The following KCNH7 variants were observed in gnomAD, a reference collection of about 807,000 sequenced individuals.
The protein encoded by KCNH7 is potassium voltage-gated channel subfamily H member 7.
Under a neutral mutation model 120.8 loss-of-function variants are expected in KCNH7, and 49 were observed. The ratio of observed to expected loss-of-function variants is 0.41; its 90% CI spans 0.32 to 0.51. KCNH7 has a LOEUF of 0.51. Ranked by LOEUF, KCNH7 falls within the 20% of genes least tolerant of loss-of-function variation. The probability of loss-of-function intolerance (pLI) is 0.38; values close to 1 mark genes in which losing one functional copy is unlikely to be tolerated. For missense variants in KCNH7, 1,097 were observed against 1,446.6 expected (o/e 0.76, Z 3.92); for synonymous variants, 547 against 516.1 (o/e 1.06, Z -0.81).
chr2:162,537,134 T>C (rs1483776939), intron 2 of KCNH7, 54 bp from the exon 3 acceptor site: 1 of 1,359,884 alleles, frequency 7.4e-7, no homozygotes, highest in Non-Finnish European at 1.0e-6. Context: ...TTCTGAACTA[T>C]CAAGTAACAT....
intron 10 of KCNH7, among the ~76,000 whole-genome samples, chr2:162,397,523 C>T (rs891668983): frequency 1.3e-5 from 2 of 151,776 alleles, no homozygotes; most frequent in Non-Finnish European, 2.9e-5. Context: ...TGTAGTCCTG[C>T]TTTTTGTTAT....
intron 14 of KCNH7, among the ~76,000 whole-genome samples, chr2:162,378,198 C>T (rs1212674769): frequency 1.3e-5 from 2 of 152,140 alleles, no homozygotes; most frequent in South Asian, 4.1e-4. Flanking sequence ...ATATGTAGTT[C>T]CCATTTACAT....
chr2:162,563,415 C>T (rs1347797899), intron 2 of KCNH7, among the ~76,000 whole-genome samples: 2 of 152,046 alleles, frequency 1.3e-5, no homozygotes, highest in African/African-American at 2.4e-5. Context: ...AATTTACATA[C>T]ACATACACAC....
intron 2 of KCNH7, among the ~76,000 whole-genome samples, chr2:162,552,175 C>T (rs1337847257): frequency 6.6e-6 from 1 of 152,150 alleles, no homozygotes; most frequent in Admixed American, 6.5e-5. Context: ...TGGAAACAGA[C>T]TAAGAAGTCT....
intron 12 of KCNH7, among the ~76,000 whole-genome samples, chr2:162,388,094 T>C (rs1281903325): frequency 6.6e-6 from 1 of 151,784 alleles, no homozygotes; most frequent in Non-Finnish European, 1.5e-5. Flanking sequence ...AATTTTTTCA[T>C]TTAAGATCAC....
rs561267621 is a variant in KCNH7, at chr2:162,495,470, C to A, written c.1128+8973G>T. On this transcript the variant is annotated intron_variant, in intron 6 of 15. Transcript: ENST00000332142. ...GTCTTATCTGAGATTCCTTGTAGAA[C>A]AGAGTTCTATTAAAGCCAATTTAAA... Among the ~76,000 whole-genome samples the A allele has an allele frequency of 2.6e-5, 4 of 152,208 alleles. No homozygotes were observed. In the South Asian group the frequency reaches 6.2e-4, roughly 24 times the overall value.
intron 7 of KCNH7, among the ~76,000 whole-genome samples, chr2:162,441,416 T>G (rs1383182538): frequency 6.6e-6 from 1 of 152,142 alleles, no homozygotes; most frequent in East Asian, 1.9e-4. Context: ...AATCCCTCTT[T>G]TCTATTGGAA....
chr2:162,825,224 G>A (rs1009815771), intron 2 of KCNH7, among the ~76,000 whole-genome samples: 2 of 152,020 alleles, frequency 1.3e-5, no homozygotes, highest in Admixed American at 6.6e-5. Context: ...GGCATCCAGC[G>A]AGGATACTCA....
rs763156680 is a variant in KCNH7 at position 162,446,382 on chromosome 2, T to G, written c.1190A>C (p.Lys397Thr). Reference sequence around the variant, plus strand: ...AGGGCTGTAGTGCAATATCGTAAACTTGTTGATGCGTGGTGTCTGCAGTTT... The same window carrying G: ...AGGGCTGTAGTGCAATATCGTAAACGTGTTGATGCGTGGTGTCTGCAGTTT... Reference protein sequence around the residue: ...EYKLQTPRINKFTILHYSPFK... With the variant: ...EYKLQTPRINTFTILHYSPFK... The change falls in exon 7 of 16, where the codon AAG (lysine) becomes ACG (threonine). Residue 397 changes from lysine (K) to threonine (T), a missense_variant. This residue lies in a region of KCNH7 where 362 missense variants were observed against 372.2 expected (regional missense o/e 0.97). Coordinates refer to ENST00000332142, the MANE Select transcript of KCNH7 (RefSeq NM_033272.4). 1.2e-6 allele frequency: 2 copies of G among 1,613,652 alleles called. No individual in the cohort carries two copies. Among genetic ancestry groups the G allele is most frequent in the South Asian group, 2.2e-5 (2 of 91,050 alleles).
intron 2 of KCNH7, among the ~76,000 whole-genome samples, chr2:162,579,457 C>T (rs1313629011): frequency 6.6e-6 from 1 of 151,962 alleles, no homozygotes; most frequent in African/African-American, 2.4e-5. Context: ...CTTCTTGATC[C>T]TCGGCTATGT....
intron 2 of KCNH7, among the ~76,000 whole-genome samples, chr2:162,782,714 T>C (rs552386076): frequency 6.6e-6 from 1 of 152,298 alleles, no homozygotes; most frequent in South Asian, 2.1e-4. Context: ...TCTGAGCATG[T>C]TTCTGTTGCA....
chr2:162,626,386 A>G (rs1683559400), intron 2 of KCNH7, among the ~76,000 whole-genome samples: 1 of 152,178 alleles, frequency 6.6e-6, no homozygotes, highest in Non-Finnish European at 1.5e-5. Context: ...ATCATAAAAC[A>G]AATTTTTGAA....
chr2:162,566,886 C>T lies in KCNH7; in HGVS notation c.308-29806G>A, dbSNP rs184181462. On this transcript the variant is annotated intron_variant, in intron 2 of 15. Transcript: ENST00000332142. ...TCCACCTGGATGGGTGATTGTCAGT[C>T]GAGCCTAGTCTTAAAAAAATAGTAG... Among the ~76,000 whole-genome samples, 77 of 151,968 alleles carry T rather than the reference C, an allele frequency of 5.1e-4. 2 individuals carry two copies. The highest frequency in any genetic ancestry group is 7.1e-4 in the Non-Finnish European group (48 of 67,902).
At chr2:162,561,216 A>C (rs1162683151) in intron 2 of KCNH7, among the ~76,000 whole-genome samples, 1 of 152,112 alleles carries the variant, frequency 6.6e-6, no homozygotes, top group Non-Finnish European at 1.5e-5. Context: ...CATGATGCAT[A>C]TGCTCCTTTT....
chr2:162,646,616 G>C lies in KCNH7; in HGVS notation c.308-109536C>G, dbSNP rs143603192. 5.3e-3 allele frequency among the ~76,000 whole-genome samples: 808 copies of C among 152,314 alleles called. 11 individuals are homozygous for C. Among genetic ancestry groups the C allele is most frequent in the African/African-American group, 0.019 (772 of 41,570 alleles). ...CGTCCTCTAATTGGTGGCTGCAAGG[G>C]AAAACAGAGAGATTCAAACTCTAAG... is the stretch of plus-strand genomic sequence containing the variant. On this transcript the variant is annotated intron_variant, in intron 2 of 15. Transcript: ENST00000332142.
intron 2 of KCNH7, among the ~76,000 whole-genome samples, chr2:162,614,174 A>T (rs554610822): frequency 1.3e-5 from 2 of 152,114 alleles, no homozygotes; most frequent in African/African-American, 4.8e-5. Context: ...GGTTATAAAA[A>T]CCTTTTAAAG....
At chr2:162,836,507 T>C in intron 2 of KCNH7, 30 bp downstream of exon 2, 1 of 1,562,752 alleles carries the variant, frequency 6.4e-7, no homozygotes, top group Non-Finnish European at 8.8e-7. Context: ...TGGGATCAAA[T>C]AGAAGGAATC....
intron 2 of KCNH7, among the ~76,000 whole-genome samples, chr2:162,758,757 CTACT>C (rs1180256746): frequency 6.6e-6 from 1 of 152,050 alleles, no homozygotes; most frequent in Non-Finnish European, 1.5e-5. Context: ...TTTGCATTGT[CTACT>C]TAAAGTGTGA....
chr2:162,802,139 G>A (rs1684372627), intron 2 of KCNH7, among the ~76,000 whole-genome samples: 1 of 151,682 alleles, frequency 6.6e-6, no homozygotes, highest in Non-Finnish European at 1.5e-5. Flanking sequence ...TTTAGTAGGT[G>A]TTGCAGATGG....
Sources: gnomAD v4.1 joint callset for allele counts (sites outside exome capture counted in the v4.1 genomes callset) on GRCh38, gnomAD v4.1.1 for gene constraint, gnomAD v4.1.1 regional missense constraint, MANE v1.5 for transcripts, NCBI Gene and HGNC (gene_info 2026-07-23, HGNC 2026-07-21) for gene names.